Variants in PTGER3 observed in about 807,000 individuals in gnomAD.
PTGER3 encodes the protein prostaglandin E receptor 3.
PTGER3 carries 22 observed loss-of-function variants against 34.7 expected under a neutral mutation model. The observed-to-expected ratio is 0.63, with a 90% CI of 0.45 to 0.91. PTGER3 has a LOEUF of 0.91. Ranked by LOEUF, PTGER3 falls within the 40% of genes least tolerant of loss-of-function variation. The pLI is 0.00. For missense variants in PTGER3, 468 were observed against 519.4 expected (o/e 0.90, Z 0.96); for synonymous variants, 241 against 230.1 (o/e 1.05, Z -0.43).
At chr1:70,939,733 G>A (rs918054473) in intron 4 of PTGER3, among the ~76,000 whole-genome samples, 1 of 152,192 alleles carries the variant, frequency 6.6e-6, no homozygotes, top group African/African-American at 2.4e-5. Context: ...GAGTGGCTGG[G>A]ACACAGGACA....
rs147260809 is a variant in PTGER3, at chr1:70,884,254, C to T, written c.*24-31395G>A. Among the ~76,000 whole-genome samples, 261 of 152,258 alleles carry T rather than the reference C, an allele frequency of 1.7e-3. 2 individuals are homozygous for T. Among genetic ancestry groups the T allele is most frequent in the African/African-American group, 5.7e-3 (235 of 41,544 alleles). Reference sequence around the variant, plus strand: ...TCTGAATTAGACAAAATTCTGATAGCCTCCAAGATATCCACCCCCTGGTAT... The same window carrying T: ...TCTGAATTAGACAAAATTCTGATAGTCTCCAAGATATCCACCCCCTGGTAT... On this transcript the variant is annotated intron_variant, in intron 4 of 4. Coordinates refer to the PTGER3 transcript ENST00000370931.
At chr1:70,870,479 T>G (rs1392157581) in intron 4 of PTGER3, among the ~76,000 whole-genome samples, 4 of 152,260 alleles carry the variant, frequency 2.6e-5, no homozygotes, top group Non-Finnish European at 5.9e-5. Context: ...CTGCTTGGAT[T>G]CCTCTCCAGA....
rs1660989687 is a variant in PTGER3 at position 71,047,670 on chromosome 1, C to G, written c.-93G>C. The G allele has an allele frequency of 3.6e-6, 5 of 1,399,560 alleles. No individual in the cohort carries two copies. The highest frequency in any genetic ancestry group is 4.7e-6 in the Non-Finnish European group (5 of 1,054,886). 86.7% of individuals were successfully genotyped at this position (1,399,560 alleles called of 1,614,324 possible). Reference sequence around the variant, plus strand: ...GGCGGCGGCGGAGGTCGGCGTTTACCGCGGCTGGGGCTGGGCTGCCCCCCA... The same window carrying G: ...GGCGGCGGCGGAGGTCGGCGTTTACGGCGGCTGGGGCTGGGCTGCCCCCCA... On this transcript the variant is annotated 5_prime_UTR_variant, in exon 1 of 4. Transcript: ENST00000306666.
rs112787778 is a variant in PTGER3 at position 70,959,481 on chromosome 1, T to C, written c.1078-5692A>G. On this transcript the variant is annotated intron_variant, in intron 2 of 3. Coordinates refer to the PTGER3 transcript ENST00000356595. The stretch of plus-strand genomic sequence containing the variant: ...GATTCTATGATTCTCCTGCCTCAGC[T>C]TTCCGAGTAGCTAGGATTACAGGCA... Among the ~76,000 whole-genome samples the C allele has an allele frequency of 4.6e-3, 702 of 152,056 alleles. 13 individuals are homozygous for C. Among genetic ancestry groups the C allele is most frequent in the African/African-American group, 0.016 (661 of 41,450 alleles).
At chr1:70,953,895 G>A (rs1651035637) in intron 2 of PTGER3, 1 of 537,876 alleles carries the variant, frequency 1.9e-6, no homozygotes, top group African/African-American at 2.0e-5. Context: ...CTATTTCTGT[G>A]AGGGGTAATG....
chr1:70,883,636 T>A (rs551901448), intron 4 of PTGER3, among the ~76,000 whole-genome samples: 1 of 152,232 alleles, frequency 6.6e-6, no homozygotes, highest in East Asian at 1.9e-4. Flanking sequence ...CCTGTTATTA[T>A]AAAACGTCCA....
intron 2 of PTGER3, chr1:71,011,632 A>C (rs5680): frequency 3.1e-6 from 3 of 982,782 alleles, no homozygotes; most frequent in African/African-American, 3.5e-5. Flanking sequence ...CTAATTATCA[A>C]TCCAAGTAAA....
At chr1:70,924,825 C>G (rs1382844107) in intron 4 of PTGER3, among the ~76,000 whole-genome samples, 1 of 152,090 alleles carries the variant, frequency 6.6e-6, no homozygotes, top group Non-Finnish European at 1.5e-5. Flanking sequence ...TCCATGAACT[C>G]ACCCTGAATT....
chr1:70,891,235 C>A (rs191154906), intron 4 of PTGER3, among the ~76,000 whole-genome samples: 2 of 152,332 alleles, frequency 1.3e-5, no homozygotes, highest in East Asian at 3.9e-4. Flanking sequence ...TCAGTCATCA[C>A]ACAGGCACTC....
At chr1:70,918,460 A>T (rs1270371643) in intron 4 of PTGER3, among the ~76,000 whole-genome samples, 1 of 152,100 alleles carries the variant, frequency 6.6e-6, no homozygotes, top group Non-Finnish European at 1.5e-5. Context: ...AATAAAGTGG[A>T]GACTACCTAC....
intron 4 of PTGER3, among the ~76,000 whole-genome samples, chr1:70,921,458 T>G (rs573137416): frequency 1.6e-4 from 25 of 152,156 alleles, no homozygotes; most frequent in Admixed American, 7.9e-4. Flanking sequence ...TTTTAATTAA[T>G]GGAAAAAAGG....
intron 4 of PTGER3, among the ~76,000 whole-genome samples, chr1:70,947,060 G>A (rs1447367082): frequency 6.6e-6 from 1 of 152,140 alleles, no homozygotes; most frequent in African/African-American, 2.4e-5. Flanking sequence ...TCTTGGGGAA[G>A]TCAATGATCT....
At chr1:70,862,346 T>C (rs1645945364) in intron 4 of PTGER3, 1 of 1,366,906 alleles carries the variant, frequency 7.3e-7, no homozygotes, top group Non-Finnish European at 9.8e-7. Context: ...ATCCCAGGGT[T>C]AGGCAGATTT....
chr1:70,875,618 C>T (rs1386895168), intron 4 of PTGER3, among the ~76,000 whole-genome samples: 2 of 152,252 alleles, frequency 1.3e-5, no homozygotes, highest in African/African-American at 4.8e-5. Context: ...ATCTCTCCTT[C>T]CTCCCACCCT....
chr1:70,983,064 C>T (rs569868877), intron 2 of PTGER3, among the ~76,000 whole-genome samples: 1 of 151,876 alleles, frequency 6.6e-6, no homozygotes, highest in Non-Finnish European at 1.5e-5. Flanking sequence ...AAAGGAGGCT[C>T]CCCAGACTGA....
intron 4 of PTGER3, among the ~76,000 whole-genome samples, chr1:70,913,280 A>C (rs1231519950): frequency 6.6e-6 from 1 of 151,912 alleles, no homozygotes; most frequent in African/African-American, 2.4e-5. Context: ...TGTCCTCTAA[A>C]TCTAAATTTT....
chr1:71,021,276 T>A (rs1362981050), intron 1 of PTGER3, among the ~76,000 whole-genome samples: 1 of 152,178 alleles, frequency 6.6e-6, no homozygotes, highest in Non-Finnish European at 1.5e-5. Context: ...ATTTGCTACA[T>A]AAAAATTTCC....
chr1:71,033,321 C>T (rs191644092), intron 1 of PTGER3, among the ~76,000 whole-genome samples: 44 of 152,280 alleles, frequency 2.9e-4, no homozygotes, highest in African/African-American at 1.0e-3. Flanking sequence ...CAGTTGTCAC[C>T]GCCTCTTACC....
chr1:70,935,795 G>A (rs1161915515), intron 4 of PTGER3, among the ~76,000 whole-genome samples: 4 of 151,658 alleles, frequency 2.6e-5, no homozygotes, highest in East Asian at 3.9e-4. Flanking sequence ...ATATTGGGAT[G>A]GGTGGAGATT....
Sources: allele counts gnomAD v4.1 joint callset (sites outside exome capture counted in the v4.1 genomes callset), GRCh38; gene constraint gnomAD v4.1.1; transcripts MANE v1.5; gene names NCBI Gene and HGNC (gene_info 2026-07-23, HGNC 2026-07-21).